Variants in TXK observed in about 807,000 individuals in gnomAD.
TXK encodes TXK tyrosine kinase.
Under a neutral mutation model 81.0 loss-of-function variants are expected in TXK, and 60 were observed. That is an observed-to-expected ratio of 0.74 (90% confidence interval 0.60 to 0.92). The LOEUF (loss-of-function observed/expected upper bound fraction) is 0.92. TXK is among the 40% of genes least tolerant of loss of function. The pLI, the probability that TXK is intolerant of heterozygous loss-of-function variation, is 0.00. For missense variants in TXK, 581 were observed against 638.3 expected (o/e 0.91, Z 0.97); for synonymous variants, 203 against 210.7 (o/e 0.96, Z 0.32).
At chr4:48,110,342 T>C (rs1485176435) in intron 5 of TXK, among the ~76,000 whole-genome samples, 196 bp downstream of exon 5, 1 of 152,178 alleles carries the variant, frequency 6.6e-6, no homozygotes, top group Non-Finnish European at 1.5e-5. Flanking sequence ...AAAGTGGCTA[T>C]ACAAAACAGA....
chr4:48,106,628 T>C (rs1354689150), intron 5 of TXK, among the ~76,000 whole-genome samples: 1 of 152,146 alleles, frequency 6.6e-6, no homozygotes, highest in Non-Finnish European at 1.5e-5. Flanking sequence ...AACAGTATTG[T>C]GTTCTTGAAT....
chr4:48,114,868 C>T (rs1478144713), intron 1 of TXK, among the ~76,000 whole-genome samples: 5 of 151,822 alleles, frequency 3.3e-5, no homozygotes, highest in South Asian at 2.1e-4. Context: ...TATTCTTTTA[C>T]GTATTTATTG....
intron 5 of TXK, among the ~76,000 whole-genome samples, chr4:48,105,505 A>C (rs1718424182): frequency 6.6e-6 from 1 of 152,174 alleles, no homozygotes; most frequent in Admixed American, 6.6e-5. Flanking sequence ...GATGGAAATA[A>C]TGGACACTGG....
At chr4:48,129,556 C>T (rs963945990) in intron 1 of TXK, among the ~76,000 whole-genome samples, 5 of 152,034 alleles carry the variant, frequency 3.3e-5, no homozygotes, top group South Asian at 2.1e-4. Flanking sequence ...GATGGAGTCC[C>T]GGGCACCAGG....
intron 1 of TXK, among the ~76,000 whole-genome samples, 168 bp downstream of exon 1, chr4:48,133,987 C>T (rs1719312198): frequency 6.6e-6 from 1 of 152,176 alleles, no homozygotes; most frequent in Non-Finnish European, 1.5e-5. Context: ...TACATCATCA[C>T]TGTGGTTCTT....
chr4:48,126,988 TTA>T (rs1329524742), intron 1 of TXK, among the ~76,000 whole-genome samples: 1 of 152,196 alleles, frequency 6.6e-6, no homozygotes. Context: ...TCAAAAATTC[TTA>T]TGTTTCCTGA....
At chr4:48,078,353 C>G (rs930803160) in intron 11 of TXK, among the ~76,000 whole-genome samples, 1 of 152,170 alleles carries the variant, frequency 6.6e-6, no homozygotes, top group African/African-American at 2.4e-5. Context: ...ATTATGCTCC[C>G]TTTTTCTCCC....
At chr4:48,076,299 A>C (rs1335818455) in intron 12 of TXK, 103 bp downstream of exon 12, 5 of 904,528 alleles carry the variant, frequency 5.5e-6, no homozygotes, top group African/African-American at 1.7e-5. Context: ...GGAAGATAAA[A>C]ACACAGCCTG....
At chr4:48,091,063 G>T (rs1245074004) in intron 8 of TXK, among the ~76,000 whole-genome samples, 1 of 152,230 alleles carries the variant, frequency 6.6e-6, no homozygotes. Flanking sequence ...CCCACAGGGA[G>T]CTCTATCTCA....
chr4:48,097,422 C>CGT lies in TXK; in HGVS notation c.502-2201_502-2200insAC, dbSNP rs1718023329. 7.0e-5 allele frequency among the ~76,000 whole-genome samples: 10 copies of CGT among 141,866 alleles called. No individual in the cohort carries two copies. In the South Asian group the frequency reaches 2.2e-3, roughly 31 times the overall value. 93.1% of individuals were successfully genotyped at this position (141,866 alleles called of 152,430 possible). Reference sequence around the variant, plus strand: ...TGATTGGGTTTTTAAAAAGCTACCACTTTTTTTTTTTTTTTGAGACGGAGT... The same window carrying CGT: ...TGATTGGGTTTTTAAAAAGCTACCACGTTTTTTTTTTTTTTTTGAGACGGAGT... On this transcript the variant is annotated intron_variant, in intron 6 of 14. Coordinates refer to ENST00000264316, the MANE Select transcript of TXK (RefSeq NM_003328.3).
At chr4:48,100,171 C>CAAAAAAAAAAAAA (rs11341305) in intron 6 of TXK, among the ~76,000 whole-genome samples, 1 of 53,950 alleles carries the variant, frequency 1.9e-5, no homozygotes, top group Non-Finnish European at 3.1e-5. Context: ...GACTCCATCT[C>CAAAAAAAAAAAAA]AAAAAAAAAA....
intron 4 of TXK, among the ~76,000 whole-genome samples, chr4:48,111,518 C>G (rs1294421187): frequency 6.6e-6 from 1 of 152,160 alleles, no homozygotes; most frequent in South Asian, 2.1e-4. Flanking sequence ...CTGAGGCATG[C>G]CAATAGTATA....
At chr4:48,109,611 C>T (rs913125735) in intron 5 of TXK, among the ~76,000 whole-genome samples, 1 of 152,178 alleles carries the variant, frequency 6.6e-6, no homozygotes, top group African/African-American at 2.4e-5. Context: ...GGAGAAATCT[C>T]ATAGAGTAAT....
chr4:48,112,400 C>G lies in TXK; in HGVS notation c.287G>C (p.Arg96Thr). 6.2e-7 allele frequency: 1 copy of G among 1,614,174 alleles called. No homozygotes were observed. The highest frequency in any genetic ancestry group is 8.5e-7 in the Non-Finnish European group (1 of 1,180,026). The change falls in exon 4 of 15, where the codon AGA becomes ACA. Residue 96 changes from arginine to threonine, a missense_variant. By Grantham distance (71) the Arg-to-Thr change is moderately conservative. Coordinates refer to ENST00000264316, the MANE Select transcript of TXK (RefSeq NM_003328.3). ...QVKALYDFLPREPCNLALRRA... is the reference protein window; with the variant it reads ...QVKALYDFLPTEPCNLALRRA... ...CCTTAAGGCTAAATTACAGGGTTCTCTGGGCAGAAAATCATAAAGTGCCTT... is the reference window on the plus strand; with the variant it reads ...CCTTAAGGCTAAATTACAGGGTTCTGTGGGCAGAAAATCATAAAGTGCCTT...
intron 6 of TXK, among the ~76,000 whole-genome samples, chr4:48,102,824 CATA>C (rs1194612628): frequency 1.3e-5 from 2 of 152,098 alleles, no homozygotes; most frequent in Non-Finnish European, 2.9e-5. Flanking sequence ...ACTTTGAAAA[CATA>C]ATGTTTAACT....
chr4:48,071,473 A>T, intron 14 of TXK, 44 bp downstream of exon 14: 1 of 1,576,560 alleles, frequency 6.3e-7, no homozygotes, highest in Non-Finnish European at 8.6e-7. Flanking sequence ...CTGCTCTCAG[A>T]TGCTGGGACT....
chr4:48,092,733 A>G (rs1317053661), intron 8 of TXK, among the ~76,000 whole-genome samples: 1 of 152,208 alleles, frequency 6.6e-6, no homozygotes, highest in African/African-American at 2.4e-5. Context: ...AGAAAGGAAC[A>G]GTGGATGGCA....
intron 1 of TXK, among the ~76,000 whole-genome samples, chr4:48,127,207 T>G (rs6819804): frequency 0.39 from 59,244 of 152,078 alleles, 11,884 homozygotes; most frequent in Admixed American, 0.47. Flanking sequence ...AAAATCACAC[T>G]ATGAAAGCCA....
intron 8 of TXK, among the ~76,000 whole-genome samples, chr4:48,093,262 G>C (rs1717848471): frequency 6.6e-6 from 1 of 152,198 alleles, no homozygotes; most frequent in African/African-American, 2.4e-5. Flanking sequence ...CAGTGTAATG[G>C]AAAAGTGAGC....
Sources: gnomAD v4.1 joint callset for allele counts (sites outside exome capture counted in the v4.1 genomes callset) on GRCh38, gnomAD v4.1.1 for gene constraint, MANE v1.5 for transcripts, NCBI Gene and HGNC (gene_info 2026-07-23, HGNC 2026-07-21) for gene names.